ITGA3: variants seen among roughly 807,000 people sequenced by gnomAD.
ITGA3 encodes integrin alpha-3.
ITGA3 carries 70 observed loss-of-function variants against 131.1 expected under a neutral mutation model. The ratio of observed to expected loss-of-function variants is 0.53; its 90% CI spans 0.44 to 0.65. ITGA3 has a LOEUF of 0.65. Among genes scored for constraint, ITGA3 ranks in the 30% least tolerant of loss-of-function variants. The probability of loss-of-function intolerance (pLI) is 0.00; values close to 1 mark genes in which losing one functional copy is unlikely to be tolerated. For missense variants in ITGA3, 1,098 were observed against 1,388.6 expected (o/e 0.79, Z 3.33); for synonymous variants, 537 against 571.6 (o/e 0.94, Z 0.86).
Position 50,064,763 on chromosome 17 carries a change from CT to C in ITGA3, c.414+157del. ...TTCCTGTGGCTGTGTGTCCCTCGCT[CT>C]CTGCACTCCTGGGGAGGGGGTGAGT... On this transcript the variant is annotated intron_variant, in intron 3 of 25. Transcript: ENST00000320031. The surrounding 1 kb of genome is among the most constrained non-coding windows in gnomAD (Gnocchi z 4.4). 1.7e-6 allele frequency: 1 copy of C among 596,488 alleles called. No homozygotes were observed. The highest frequency in any genetic ancestry group is 2.9e-6 in the Non-Finnish European group (1 of 340,760). 36.9% of individuals were successfully genotyped at this position (596,488 alleles called of 1,614,324 possible).
At chr17:50,082,335 C>T (rs1475044184) in intron 23 of ITGA3, among the ~76,000 whole-genome samples, 3 of 152,060 alleles carry the variant, frequency 2.0e-5, no homozygotes, top group Admixed American at 6.6e-5. Flanking sequence ...CCCACCACCA[C>T]GCCCGGCTAA....
intron 4 of ITGA3, 150 bp from the exon 5 acceptor site, chr17:50,070,694 G>A: frequency 4.8e-6 from 2 of 417,610 alleles, no homozygotes; most frequent in Non-Finnish European, 9.0e-6. Flanking sequence ...TAAAGAGGAT[G>A]TGTTTTATAA....
chr17:50,066,312 TTC>T (rs1362843993), intron 3 of ITGA3, among the ~76,000 whole-genome samples: 2 of 145,870 alleles, frequency 1.4e-5, no homozygotes, highest in Admixed American at 1.3e-4. Context: ...ATTTTTCTTT[TTC>T]TTTCTTTTTT....
chr17:50,058,177 C>T (rs1206029023), intron 1 of ITGA3, among the ~76,000 whole-genome samples: 1 of 152,256 alleles, frequency 6.6e-6, no homozygotes, highest in African/African-American at 2.4e-5. Context: ...GATATTTCCC[C>T]TCCCTGGGCC....
At chr17:50,073,624 A>G (rs976129190) in intron 7 of ITGA3, among the ~76,000 whole-genome samples, 14 of 137,486 alleles carry the variant, frequency 1.0e-4, no homozygotes, top group African/African-American at 3.9e-4. Context: ...ACACACACAC[A>G]CACACACACG....
rs199727485 is a variant in ITGA3 at position 50,084,369 on chromosome 17, G to T, written c.2919+2961G>T. Among the ~76,000 whole-genome samples, 6 of 151,892 alleles carry T rather than the reference G, an allele frequency of 4.0e-5. No individual in the cohort carries two copies. In the East Asian group the frequency reaches 1.2e-3, roughly 29 times the overall value. On this transcript the variant is annotated intron_variant, in intron 23 of 25. Coordinates refer to ENST00000320031, the MANE Select transcript of ITGA3 (RefSeq NM_002204.4). ...TTCAGTATCTATTAAAATTTAAAGT[G>T]CCCATTTCCTTAGATCCAGTACATG...
At chr17:50,068,337 G>C (rs753984245) in intron 4 of ITGA3, 32 bp downstream of exon 4, 1 of 1,605,304 alleles carries the variant, frequency 6.2e-7, no homozygotes, top group South Asian at 1.1e-5. Flanking sequence ...GGGAAGAAAG[G>C]AAGAGCAGAG....
intron 12 of ITGA3, 122 bp from the exon 13 acceptor site, chr17:50,076,204 A>G: frequency 2.9e-6 from 3 of 1,047,092 alleles, no homozygotes; most frequent in Non-Finnish European, 4.1e-6. Context: ...AGTTCAGCCT[A>G]ACTGTCAGGT....
At chr17:50,076,892 AG>A in intron 14 of ITGA3, 81 bp from the exon 15 acceptor site, 1 of 1,483,872 alleles carries the variant, frequency 6.7e-7, no homozygotes, top group Non-Finnish European at 9.2e-7. Flanking sequence ...CTCACCTAGG[AG>A]ACCCCAGGGG....
Position 50,089,174 on chromosome 17 carries a change from G to T in ITGA3, c.*96G>T. 1 of 1,612,698 alleles carries T rather than the reference G, an allele frequency of 6.2e-7. No homozygotes were observed. Among genetic ancestry groups the T allele is most frequent in the Non-Finnish European group, 8.5e-7 (1 of 1,179,014 alleles). On this transcript the variant is annotated 3_prime_UTR_variant, in exon 26 of 26. Transcript: ENST00000320031. ...CCCAAGTACCACGCAGTGCGGATCC[G>T]GGAGGAGGAGCGCTACCCACCTCCA...
At chr17:50,073,862 G>A (rs1908747785) in intron 7 of ITGA3, 54 bp from the exon 8 acceptor site, 9 of 1,300,748 alleles carry the variant, frequency 6.9e-6, no homozygotes, top group Admixed American at 5.0e-5. Flanking sequence ...AAGAGTTAGG[G>A]AGACGTGGGG....
chr17:50,057,320 C>T (rs1304713806), intron 1 of ITGA3, among the ~76,000 whole-genome samples: 1 of 152,248 alleles, frequency 6.6e-6, no homozygotes, highest in African/African-American at 2.4e-5. Context: ...ATCTTCCCTG[C>T]ATTCCACAGA....
intron 6 of ITGA3, 31 bp downstream of exon 6, chr17:50,071,549 G>A: frequency 6.4e-7 from 1 of 1,570,448 alleles, no homozygotes; most frequent in Non-Finnish European, 8.6e-7. Context: ...TCTGGGGCCA[G>A]GGAGAGCGAT....
chr17:50,061,533 CTG>C (rs35624066), intron 1 of ITGA3, among the ~76,000 whole-genome samples: 39,743 of 151,790 alleles, frequency 0.26, 6,206 homozygotes, highest in African/African-American at 0.4. Flanking sequence ...CTTAGTGTCA[CTG>C]TAGAAAATTC....
intron 23 of ITGA3, chr17:50,086,369 TA>T (rs1293944154): frequency 6.7e-6 from 1 of 149,560 alleles, no homozygotes; most frequent in African/African-American, 2.5e-5. Flanking sequence ...AAAATAATTT[TA>T]AAAGAAGTGA....
At chr17:50,058,716 G>A (rs935379575) in intron 1 of ITGA3, among the ~76,000 whole-genome samples, 22 of 152,204 alleles carry the variant, frequency 1.4e-4, no homozygotes, top group Admixed American at 2.6e-4. Context: ...CGACCCCTCG[G>A]CCATTTGGGA....
chr17:50,084,148 C>T (rs934833236), intron 23 of ITGA3, among the ~76,000 whole-genome samples: 5 of 142,604 alleles, frequency 3.5e-5, no homozygotes, highest in African/African-American at 1.3e-4. Context: ...GCAGAAGAAT[C>T]GCTTGAACCT....
intron 7 of ITGA3, among the ~76,000 whole-genome samples, chr17:50,073,430 G>T (rs1280352258): frequency 6.6e-6 from 1 of 152,036 alleles, no homozygotes; most frequent in Non-Finnish European, 1.5e-5. Flanking sequence ...CAGCACTCTC[G>T]TGAAAATTAA....
intron 4 of ITGA3, among the ~76,000 whole-genome samples, chr17:50,069,589 C>T (rs962910727): frequency 6.6e-6 from 1 of 152,116 alleles, no homozygotes; most frequent in African/African-American, 2.4e-5. Flanking sequence ...TCGCTTGGGC[C>T]CAGGAGGTTG....
Sources: allele counts gnomAD v4.1 joint callset (sites outside exome capture counted in the v4.1 genomes callset), GRCh38; gene constraint gnomAD v4.1.1; non-coding constraint Gnocchi (gnomAD v3.1); transcripts MANE v1.5; gene names NCBI Gene and HGNC (gene_info 2026-07-23, HGNC 2026-07-21).